Variants in DLC1 observed in about 807,000 individuals in gnomAD.
The protein encoded by DLC1 is DLC1 Rho GTPase activating protein.
DLC1 carries 54 observed loss-of-function variants against 140.3 expected under a neutral mutation model. The observed-to-expected ratio is 0.38, with a 90% CI of 0.31 to 0.48. The LOEUF is 0.48. Among genes scored for constraint, DLC1 ranks in the 20% least tolerant of loss-of-function variants. The pLI, the probability that DLC1 is intolerant of heterozygous loss-of-function variation, is 0.96. For missense variants in DLC1, 2,536 were observed against 1,907.0 expected, an observed-to-expected ratio of 1.33 and a Z score of -6.14; for synonymous variants, 986 against 728.1, an observed-to-expected ratio of 1.35 and a Z score of -5.70.
intron 2 of DLC1, among the ~76,000 whole-genome samples, chr8:13,450,475 A>AAAAAG (rs1798989484): frequency 6.7e-6 from 1 of 149,262 alleles, no homozygotes; most frequent in Non-Finnish European, 1.5e-5. Flanking sequence ...AAAAAAAAAA[A>AAAAAG]GGCCGAAGAG....
chr8:13,393,405 T>C, intron 4 of DLC1, 148 bp downstream of exon 4: 1 of 878,882 alleles, frequency 1.1e-6, no homozygotes, highest in East Asian at 2.8e-5. Flanking sequence ...TTTTCTAGGG[T>C]TGTACTTAAT....
intron 4 of DLC1, among the ~76,000 whole-genome samples, chr8:13,356,238 C>T (rs531096446): frequency 6.6e-6 from 1 of 151,864 alleles, no homozygotes; most frequent in Admixed American, 6.6e-5. Flanking sequence ...TTCTATATTT[C>T]CTCTTGAACT....
chr8:13,524,091 A>C (rs985375980), intron 1 of DLC1, among the ~76,000 whole-genome samples: 89 of 147,036 alleles, frequency 6.1e-4, no homozygotes, highest in Non-Finnish European at 1.1e-3. Flanking sequence ...CCACCATCAC[A>C]GTTGTTATCT....
At chr8:13,398,185 A>G (rs1837134715) in intron 3 of DLC1, among the ~76,000 whole-genome samples, 1 of 152,146 alleles carries the variant, frequency 6.6e-6, no homozygotes, top group Non-Finnish European at 1.5e-5. Flanking sequence ...TAAATCAAGA[A>G]AGAAATTAAG....
chr8:13,323,509 C>T (rs944744945), intron 4 of DLC1, among the ~76,000 whole-genome samples: 3 of 152,066 alleles, frequency 2.0e-5, no homozygotes, highest in African/African-American at 7.2e-5. Flanking sequence ...TCATTCTTTG[C>T]AGTTAAGTAT....
intron 5 of DLC1, among the ~76,000 whole-genome samples, chr8:13,146,199 C>G (rs192291306): frequency 6.6e-6 from 1 of 151,246 alleles, no homozygotes; most frequent in East Asian, 1.9e-4. Flanking sequence ...CACTTGAACC[C>G]GGGAGGTGGA....
chr8:13,145,604 A>C (rs1823374466), intron 5 of DLC1, among the ~76,000 whole-genome samples: 1 of 152,214 alleles, frequency 6.6e-6, no homozygotes, highest in Non-Finnish European at 1.5e-5. Flanking sequence ...TATTAGGAAA[A>C]ACTGGAAATA....
intron 2 of DLC1, among the ~76,000 whole-genome samples, chr8:13,427,725 A>G (rs1396866503): frequency 6.6e-6 from 1 of 152,278 alleles, no homozygotes; most frequent in Non-Finnish European, 1.5e-5. Flanking sequence ...ATAGTCATAT[A>G]TGTCTATCTT....
intron 5 of DLC1, among the ~76,000 whole-genome samples, chr8:13,264,522 CGA>C (rs1459191733): frequency 6.6e-6 from 1 of 152,024 alleles, no homozygotes; most frequent in Non-Finnish European, 1.5e-5. Context: ...AAATGTGTAA[CGA>C]GTATAAAGCC....
At chr8:13,579,589 A>G (rs1235145150) in intron 1 of DLC1, among the ~76,000 whole-genome samples, 1 of 132,884 alleles carries the variant, frequency 7.5e-6, no homozygotes, top group Non-Finnish European at 1.5e-5. Flanking sequence ...TATATTTTAT[A>G]TTATATATTT....
intron 5 of DLC1, chr8:13,276,394 C>G: frequency 6.7e-7 from 1 of 1,488,000 alleles, no homozygotes. Context: ...GCCTTGGGGT[C>G]CCCCATCCGC....
chr8:13,120,372 A>ATATATAT (rs1820957772), intron 5 of DLC1, among the ~76,000 whole-genome samples: 1 of 95,972 alleles, frequency 1.0e-5, no homozygotes, highest in African/African-American at 2.8e-5. Context: ...TATATATATA[A>ATATATAT]AATGTATATT....
intron 5 of DLC1, among the ~76,000 whole-genome samples, chr8:13,188,985 G>T (rs79099991): frequency 0.013 from 1,935 of 149,724 alleles, 14 homozygotes; most frequent in South Asian, 0.035. Context: ...TATCACACCC[G>T]GCCTTTATTA....
Position 13,590,304 on chromosome 8 carries a change from G to GT in DLC1, c.-126+14232dup, listed in dbSNP as rs202054765. 5.0e-3 allele frequency among the ~76,000 whole-genome samples: 754 copies of GT among 150,608 alleles called. 8 individuals are homozygous for GT. The highest frequency in any genetic ancestry group is 0.017 in the African/African-American group (695 of 41,072). Reference sequence around the variant, plus strand: ...AGAAGCCATAAAACCCACATCCCCAGTTTTTTTTTGCAGCTATTGTACAGA... The same window carrying GT: ...AGAAGCCATAAAACCCACATCCCCAGTTTTTTTTTTGCAGCTATTGTACAGA... On this transcript the variant is annotated intron_variant, in intron 1 of 1. Transcript: ENST00000631382.
intron 5 of DLC1, among the ~76,000 whole-genome samples, chr8:13,117,008 G>T (rs950415511): frequency 1.3e-5 from 2 of 152,190 alleles, no homozygotes; most frequent in African/African-American, 4.8e-5. Flanking sequence ...TAAAAGTGTA[G>T]AATTGTCCAA....
chr8:13,414,966 A>G (rs781255878), intron 2 of DLC1, among the ~76,000 whole-genome samples: 5 of 151,936 alleles, frequency 3.3e-5, no homozygotes, highest in Non-Finnish European at 7.4e-5. Flanking sequence ...GTGCGCCACC[A>G]TGCCTGGCTA....
chr8:13,264,474 C>T (rs890107621), intron 5 of DLC1, among the ~76,000 whole-genome samples: 2 of 152,154 alleles, frequency 1.3e-5, no homozygotes, highest in African/African-American at 2.4e-5. Flanking sequence ...CCACTTAAAA[C>T]TTTTAAATGT....
chr8:13,163,132 T>C (rs1178806179), intron 5 of DLC1, among the ~76,000 whole-genome samples: 1 of 152,152 alleles, frequency 6.6e-6, no homozygotes, highest in African/African-American at 2.4e-5. Context: ...GATTTTAGCC[T>C]CAATGTTAAA....
At chr8:13,563,679 C>T (rs750348657) in intron 1 of DLC1, among the ~76,000 whole-genome samples, 18 of 152,066 alleles carry the variant, frequency 1.2e-4, no homozygotes, top group Non-Finnish European at 2.4e-4. Context: ...TAAAAATGTG[C>T]ATACATTTTG....
Sources: gnomAD v4.1 joint callset for allele counts (sites outside exome capture counted in the v4.1 genomes callset) on GRCh38, gnomAD v4.1.1 for gene constraint, MANE v1.5 for transcripts, NCBI Gene and HGNC (gene_info 2026-07-23, HGNC 2026-07-21) for gene names.